The following KPNA5 variants were observed in gnomAD, a reference collection of about 807,000 sequenced individuals.
The protein encoded by KPNA5 is karyopherin subunit alpha 5.
Under a neutral mutation model 71.3 loss-of-function variants are expected in KPNA5, and 46 were observed. The observed-to-expected ratio is 0.65, with a 90% CI of 0.51 to 0.83. The LOEUF (loss-of-function observed/expected upper bound fraction) is 0.83, where lower values mean the gene tolerates loss of function less well. KPNA5 is among the 40% of genes least tolerant of loss of function. The pLI is 0.00. For missense variants in KPNA5, 547 were observed against 628.3 expected, an observed-to-expected ratio of 0.87 and a Z score of 1.38; for synonymous variants, 207 against 201.4, an observed-to-expected ratio of 1.03 and a Z score of -0.24.
At chr6:116,704,015 T>C (rs1046491185) in intron 6 of KPNA5, among the ~76,000 whole-genome samples, 3 of 152,100 alleles carry the variant, frequency 2.0e-5, no homozygotes, top group African/African-American at 7.2e-5. Flanking sequence ...CTATACAGCA[T>C]GTTACTGTAC....
At chr6:116,693,490 T>C (rs187851597) in intron 4 of KPNA5, among the ~76,000 whole-genome samples, 113 of 152,382 alleles carry the variant, frequency 7.4e-4, no homozygotes, top group African/African-American at 2.6e-3. Context: ...TGGTCAGTGA[T>C]GATGAGCATT....
chr6:116,723,129 G>T (rs905714988), intron 9 of KPNA5, among the ~76,000 whole-genome samples: 12 of 152,256 alleles, frequency 7.9e-5, no homozygotes, highest in Non-Finnish European at 1.8e-4. Flanking sequence ...TCTGGCTGAG[G>T]TAAAAGATTG....
At position 116,724,291 on chromosome 6, in the gene KPNA5, T is replaced by G; in HGVS notation, c.921-6T>G. 1 of 1,591,700 alleles carries G rather than the reference T, an allele frequency of 6.3e-7. No individual in the cohort carries two copies. On this transcript the variant is annotated splice_region_variant and splice_polypyrimidine_tract_variant and intron_variant, in intron 9 of 13. Coordinates refer to ENST00000368564, the MANE Select transcript of KPNA5 (RefSeq NM_001366306.2). ...GTATTTAGGTTCATGTTTTTATTAT[T>G]TTTAGGCACAATGATTATAAAGTTG...
At chr6:116,705,268 A>T (rs750441077) in intron 7 of KPNA5, 108 bp downstream of exon 7, 18 of 804,712 alleles carry the variant, frequency 2.2e-5, no homozygotes, top group Non-Finnish European at 3.4e-5. Flanking sequence ...TCTTATGGTT[A>T]TCAAGCCTGC....
intron 8 of KPNA5, among the ~76,000 whole-genome samples, chr6:116,720,776 A>G: frequency 6.6e-6 from 1 of 152,140 alleles, no homozygotes; most frequent in East Asian, 1.9e-4. Context: ...CCCAGGAAGC[A>G]GAGGTTGCAC....
At position 116,732,077 on chromosome 6, in the gene KPNA5, TATATATA is replaced by T. The variant is rs1779508710; in HGVS notation, c.1433-58_1433-52del. 8.8e-3 allele frequency: 1,279 copies of T among 144,726 alleles called. 91 individuals are homozygous for T. Among genetic ancestry groups the T allele is most frequent in the African/African-American group, 0.022 (523 of 24,160 alleles). 9.0% of individuals were successfully genotyped at this position (144,726 alleles called of 1,614,324 possible). ...TGAAATTGTAGTAACAGTTTGTTTA[TATATATA>T]TATATATATATATATATATATATAT... On this transcript the variant is annotated intron_variant, in intron 13 of 13. Coordinates refer to ENST00000368564, the MANE Select transcript of KPNA5 (RefSeq NM_001366306.2).
At chr6:116,688,595 T>C (rs1777681610) in intron 1 of KPNA5, among the ~76,000 whole-genome samples, 1 of 152,194 alleles carries the variant, frequency 6.6e-6, no homozygotes, top group Non-Finnish European at 1.5e-5. Flanking sequence ...CTAGCACATA[T>C]ATTCAAATAT....
Position 116,720,402 on chromosome 6 carries a change from C to CT in KPNA5, c.757-1713dup, listed in dbSNP as rs754684921. Among the ~76,000 whole-genome samples the CT allele has an allele frequency of 6.0e-3, 864 of 144,522 alleles. 4 individuals are homozygous for CT. The highest frequency in any genetic ancestry group is 8.6e-3 in the Non-Finnish European group (566 of 65,628). The allele number at this position is 144,522 out of a possible 152,430, so 94.8% of individuals were successfully genotyped here. On this transcript the variant is annotated intron_variant, in intron 8 of 13. Transcript: ENST00000368564. Reference sequence around the variant, plus strand: ...AAAGTTGGAATTTGTATTTCTGTTTCTTTTTTTTTTTCCTGAGAAGATACT... The same window carrying CT: ...AAAGTTGGAATTTGTATTTCTGTTTCTTTTTTTTTTTTCCTGAGAAGATACT...
In KPNA5 at chr6:116,710,893, A is replaced by ATT. The variant is rs67301038; in HGVS notation, c.657-5308_657-5307dup. ...TTATTTTATATATATATATATATAT[A>ATT]TTTTTTTTTTTTTTTTTTTGAGTTG... is the stretch of plus-strand genomic sequence containing the variant. On this transcript the variant is annotated intron_variant, in intron 7 of 13. Transcript: ENST00000368564. 4.1e-3 allele frequency among the ~76,000 whole-genome samples: 353 copies of ATT among 86,694 alleles called. 4 individuals are homozygous for ATT. The highest frequency in any genetic ancestry group is 0.014 in the African/African-American group (313 of 22,302). The allele number at this position is 86,694 out of a possible 152,430, so 56.9% of individuals were successfully genotyped here. A position where few individuals can be genotyped will look rare whatever the true frequency, so the allele number is the denominator to read the frequency against.
chr6:116,706,428 G>A (rs1339594188), intron 7 of KPNA5, among the ~76,000 whole-genome samples: 2 of 152,218 alleles, frequency 1.3e-5, no homozygotes, highest in African/African-American at 2.4e-5. Flanking sequence ...GGTGGCTCAC[G>A]CCTGTAATCC....
chr6:116,705,224 A>C, intron 7 of KPNA5, 64 bp downstream of exon 7: 1 of 1,224,466 alleles, frequency 8.2e-7, no homozygotes, highest in African/African-American at 1.5e-5. Flanking sequence ...TTCTACATAC[A>C]TAATTAAGTT....
At chr6:116,698,877 A>G in intron 5 of KPNA5, 79 bp downstream of exon 5, 1 of 727,214 alleles carries the variant, frequency 1.4e-6, no homozygotes, top group Non-Finnish European at 2.2e-6. Flanking sequence ...CTTCTGCAGT[A>G]TTGACTATTG....
At chr6:116,726,005 G>T in intron 11 of KPNA5, 129 bp downstream of exon 11, 1 of 967,756 alleles carries the variant, frequency 1.0e-6, no homozygotes, top group Non-Finnish European at 1.5e-6. Context: ...AAGAACATGG[G>T]CTTTCCTCCT....
intron 4 of KPNA5, among the ~76,000 whole-genome samples, chr6:116,697,718 A>G (rs1004354172): frequency 2.0e-5 from 3 of 152,178 alleles, no homozygotes; most frequent in African/African-American, 7.2e-5. Context: ...TCATGACTAC[A>G]TGAATAGATA....
chr6:116,695,035 C>T (rs1010662397), intron 4 of KPNA5, among the ~76,000 whole-genome samples: 1 of 152,124 alleles, frequency 6.6e-6, no homozygotes, highest in African/African-American at 2.4e-5. Context: ...ACTATAGCCT[C>T]TGCTTTCCAG....
At chr6:116,691,773 G>T (rs552243633) in intron 2 of KPNA5, among the ~76,000 whole-genome samples, 354 of 152,290 alleles carry the variant, frequency 2.3e-3, no homozygotes, top group Non-Finnish European at 4.5e-3. Flanking sequence ...GCTATAAAAT[G>T]ACCATGTGTA....
intron 7 of KPNA5, among the ~76,000 whole-genome samples, chr6:116,715,807 T>C (rs1177175553): frequency 6.6e-6 from 1 of 151,866 alleles, no homozygotes; most frequent in Non-Finnish European, 1.5e-5. Flanking sequence ...TCCCAGCTAC[T>C]TGGGAGGCTG....
intron 1 of KPNA5, among the ~76,000 whole-genome samples, chr6:116,687,158 A>G (rs533079156): frequency 1.3e-5 from 2 of 152,350 alleles, no homozygotes; most frequent in Middle Eastern, 3.4e-3. Flanking sequence ...CTTCCTATCC[A>G]CAAGCATGGA....
intron 9 of KPNA5, among the ~76,000 whole-genome samples, chr6:116,722,842 T>G (rs1470139176): frequency 1.3e-5 from 2 of 152,228 alleles, no homozygotes; most frequent in African/African-American, 4.8e-5. Flanking sequence ...ATGTTGTAAC[T>G]TCATAACTTC....
Sources: allele counts gnomAD v4.1 joint callset (sites outside exome capture counted in the v4.1 genomes callset), GRCh38; gene constraint gnomAD v4.1.1; transcripts MANE v1.5; gene names NCBI Gene and HGNC (gene_info 2026-07-23, HGNC 2026-07-21).